The following UNC5D variants were observed in gnomAD, a reference collection of about 807,000 sequenced individuals.
The protein encoded by UNC5D is unc-5 netrin receptor D, also known as netrin receptor UNC5D.
Under a neutral mutation model 105.4 loss-of-function variants are expected in UNC5D, and 39 were observed. That is an observed-to-expected ratio of 0.37 (90% CI 0.29 to 0.48). The LOEUF is 0.48. UNC5D is among the 20% of genes least tolerant of loss of function. The probability of loss-of-function intolerance (pLI) is 0.98; values close to 1 mark genes in which losing one functional copy is unlikely to be tolerated. For missense variants in UNC5D, 991 were observed against 1,202.4 expected (o/e 0.82, Z 2.60); for synonymous variants, 452 against 450.4 (o/e 1.00, Z -0.04).
chr8:35,632,572 G>A (rs941695237), intron 4 of UNC5D, among the ~76,000 whole-genome samples: 13 of 152,212 alleles, frequency 8.5e-5, no homozygotes, highest in Non-Finnish European at 1.5e-4. Flanking sequence ...CTGTGCTGTT[G>A]CTGCTGCATG....
At chr8:35,451,230 A>G (rs1244572223) in intron 1 of UNC5D, among the ~76,000 whole-genome samples, 3 of 152,082 alleles carry the variant, frequency 2.0e-5, no homozygotes, top group South Asian at 4.2e-4. Context: ...GTTAGTAGAG[A>G]TAGTGTTTCT....
intron 1 of UNC5D, among the ~76,000 whole-genome samples, chr8:35,288,588 T>C (rs1186672035): frequency 6.6e-6 from 1 of 152,182 alleles, no homozygotes; most frequent in Non-Finnish European, 1.5e-5. Context: ...AACGGTGGTA[T>C]ATAAAACAAT....
chr8:35,255,308 C>T (rs1183222642), intron 1 of UNC5D: 1 of 152,130 alleles, frequency 6.6e-6, no homozygotes, highest in Non-Finnish European at 1.5e-5. Context: ...TTTTTAACAA[C>T]TGGTCATCCT....
chr8:35,272,570 C>G (rs528217033), intron 1 of UNC5D, among the ~76,000 whole-genome samples: 1 of 152,288 alleles, frequency 6.6e-6, no homozygotes, highest in African/African-American at 2.4e-5. Flanking sequence ...CCAATGTCAC[C>G]TAACATGGCC....
chr8:35,384,047 G>A (rs1483322481), intron 1 of UNC5D, among the ~76,000 whole-genome samples: 14 of 151,844 alleles, frequency 9.2e-5, no homozygotes, highest in Admixed American at 9.2e-4. Context: ...AACCCTGTCT[G>A]TACTAAAAAT....
intron 1 of UNC5D, among the ~76,000 whole-genome samples, chr8:35,269,760 A>T (rs974580300): frequency 2.0e-5 from 3 of 152,106 alleles, no homozygotes; most frequent in African/African-American, 7.2e-5. Flanking sequence ...ATTTCATTTC[A>T]TCTGAACAAT....
At chr8:35,736,120 G>T (rs1404512173) in intron 11 of UNC5D, among the ~76,000 whole-genome samples, 1 of 152,050 alleles carries the variant, frequency 6.6e-6, no homozygotes, top group Admixed American at 6.6e-5. Context: ...TTTTCAGAAG[G>T]TAACACACCC....
intron 3 of UNC5D, among the ~76,000 whole-genome samples, chr8:35,580,116 A>ATTCC (rs1818378308): frequency 6.6e-6 from 1 of 152,174 alleles, no homozygotes; most frequent in Non-Finnish European, 1.5e-5. Flanking sequence ...TTATTCCATT[A>ATTCC]AGTAGGTTAT....
At chr8:35,641,387 A>AAAAAAAAAAAAAAAAAAAAGG (rs1563621898) in intron 4 of UNC5D, among the ~76,000 whole-genome samples, 1 of 139,336 alleles carries the variant, frequency 7.2e-6, no homozygotes, top group African/African-American at 2.7e-5. Context: ...AAAAAAAAAG[A>AAAAAAAAAAAAAAAAAAAAGG]AAAAAAAAAA....
intron 8 of UNC5D, among the ~76,000 whole-genome samples, chr8:35,709,506 A>G (rs1022639699): frequency 3.9e-5 from 6 of 152,050 alleles, no homozygotes; most frequent in East Asian, 1.9e-4. Flanking sequence ...CCTGGTCAAC[A>G]TGGTGAAACC....
intron 4 of UNC5D, among the ~76,000 whole-genome samples, chr8:35,604,199 G>A (rs533926907): frequency 1.3e-5 from 2 of 152,200 alleles, no homozygotes; most frequent in African/African-American, 4.8e-5. Context: ...TCCTTTCCAT[G>A]TTTAGTGCTT....
chr8:35,705,041 G>T (rs974343953), intron 7 of UNC5D, among the ~76,000 whole-genome samples: 5 of 143,426 alleles, frequency 3.5e-5, no homozygotes, highest in Non-Finnish European at 7.4e-5. Flanking sequence ...TTGGCTCACT[G>T]CAGGCTCTGC....
chr8:35,653,056 C>T (rs1205634576), intron 4 of UNC5D, among the ~76,000 whole-genome samples: 1 of 150,546 alleles, frequency 6.6e-6, no homozygotes. Flanking sequence ...TAGCCTCCTG[C>T]GTAGCTGGGA....
At chr8:35,720,010 G>T (rs919108261) in intron 8 of UNC5D, among the ~76,000 whole-genome samples, 3 of 152,140 alleles carry the variant, frequency 2.0e-5, no homozygotes, top group African/African-American at 7.2e-5. Flanking sequence ...TTGATACTTT[G>T]GTCTGCAGGC....
rs10086236 is a variant in UNC5D, at chr8:35,659,789, G to T, written c.571-23758G>T. Among the ~76,000 whole-genome samples, 956 of 152,316 alleles carry T rather than the reference G, an allele frequency of 6.3e-3. 7 individuals carry two copies. Among genetic ancestry groups the T allele is most frequent in the African/African-American group, 0.021 (854 of 41,564 alleles). Reference sequence around the variant, plus strand: ...TCATTGCTGGAACAATGCAGAACGTGTTATGAAAAGCATTAATAGTAATCA... The same window carrying T: ...TCATTGCTGGAACAATGCAGAACGTTTTATGAAAAGCATTAATAGTAATCA... On this transcript the variant is annotated intron_variant, in intron 4 of 16. Transcript: ENST00000404895.
intron 8 of UNC5D, among the ~76,000 whole-genome samples, chr8:35,717,264 C>T (rs926478720): frequency 6.6e-6 from 1 of 152,190 alleles, no homozygotes; most frequent in African/African-American, 2.4e-5. Context: ...CCAAATCCTG[C>T]AACATAGATT....
chr8:35,323,127 C>A (rs1464174026), intron 1 of UNC5D, among the ~76,000 whole-genome samples: 4 of 150,506 alleles, frequency 2.7e-5, no homozygotes, highest in Non-Finnish European at 5.9e-5. Flanking sequence ...TAATTTATTG[C>A]ATCTCTGACA....
intron 1 of UNC5D, among the ~76,000 whole-genome samples, chr8:35,491,389 C>T (rs910951323): frequency 2.0e-5 from 3 of 151,892 alleles, no homozygotes; most frequent in African/African-American, 7.3e-5. Flanking sequence ...AAACAATAGG[C>T]CAATGGGTGA....
chr8:35,253,032 C>T (rs1398200830), intron 1 of UNC5D, among the ~76,000 whole-genome samples: 1 of 151,976 alleles, frequency 6.6e-6, no homozygotes, highest in Non-Finnish European at 1.5e-5. Flanking sequence ...AAAGTACCTA[C>T]TCATGGCTTT....
Sources: gnomAD v4.1 joint callset for allele counts (sites outside exome capture counted in the v4.1 genomes callset) on GRCh38, gnomAD v4.1.1 for gene constraint, MANE v1.5 for transcripts, NCBI Gene and HGNC (gene_info 2026-07-23, HGNC 2026-07-21) for gene names.